The following INSR variants were observed in gnomAD, a reference collection of about 807,000 sequenced individuals.
INSR encodes insulin receptor, also known as IR.
In INSR, 67 loss-of-function variants were observed where a neutral mutation model predicts 142.6. That is an observed-to-expected ratio of 0.47 (90% confidence interval 0.39 to 0.58). The LOEUF is 0.58. INSR is among the 20% of genes least tolerant of loss of function. The pLI, the probability that INSR is intolerant of heterozygous loss-of-function variation, is 0.00. For missense variants in INSR, 1,248 were observed against 1,833.2 expected, an observed-to-expected ratio of 0.68 and a Z score of 5.83; for synonymous variants, 756 against 743.1, an observed-to-expected ratio of 1.02 and a Z score of -0.28.
Position 7,216,995 on chromosome 19 carries a change from TC to T in INSR, c.653-32359del, listed in dbSNP as rs759708648. Reference sequence around the variant, plus strand: ...CCCAGCTAATTTTTCTTCTTCTTCTTCTTCTTTTTTTTTTTTTTGTAGAGAT... The same window carrying T: ...CCCAGCTAATTTTTCTTCTTCTTCTTTTCTTTTTTTTTTTTTTGTAGAGAT... On this transcript the variant is annotated intron_variant, in intron 2 of 21. Transcript: ENST00000302850. The surrounding 1 kb of genome is among the most constrained non-coding windows in gnomAD (Gnocchi z 4.2). Among the ~76,000 whole-genome samples, 7,862 of 18,728 alleles carry T rather than the reference TC, an allele frequency of 0.42. 289 individuals are homozygous for T. The highest frequency in any genetic ancestry group is 0.47 in the Non-Finnish European group (5,235 of 11,208). 12.3% of individuals were successfully genotyped at this position (18,728 alleles called of 152,430 possible).
chr19:7,183,263 G>GTGTGTGT (rs1974321076), intron 3 of INSR, among the ~76,000 whole-genome samples: 1 of 146,480 alleles, frequency 6.8e-6, no homozygotes, highest in South Asian at 2.2e-4. Context: ...GTTGTTTTGT[G>GTGTGTGT]GTGTGTGTGT....
chr19:7,266,616 C>CTCAAGTG (rs1967740562), intron 2 of INSR, among the ~76,000 whole-genome samples: 1 of 152,018 alleles, frequency 6.6e-6, no homozygotes, highest in African/African-American at 2.4e-5. Flanking sequence ...AACTCCTGAC[C>CTCAAGTG]TCAAGTGGTC....
In INSR at chr19:7,269,160, C is replaced by G. The variant is rs541614867; in HGVS notation, c.101-1264G>C. 4.0e-5 allele frequency among the ~76,000 whole-genome samples: 6 copies of G among 148,746 alleles called. No individual in the cohort carries two copies. The South Asian group carries it at 1.3e-3, about 32-fold the overall frequency. ...TGTTCCAAAACACTAAACCTTCCAC[C>G]AATATCTTTGAGGAAAACAGATTGT... On this transcript the variant is annotated intron_variant, in intron 1 of 21. Coordinates refer to ENST00000302850, the MANE Select transcript of INSR (RefSeq NM_000208.4).
intron 13 of INSR, among the ~76,000 whole-genome samples, chr19:7,132,812 A>G (rs1972820236): frequency 6.6e-6 from 1 of 152,020 alleles, no homozygotes; most frequent in African/African-American, 2.4e-5. Context: ...GCTGGTCTCA[A>G]ACTCCTGACC....
At chr19:7,221,894 G>A (rs1020447589) in intron 2 of INSR, among the ~76,000 whole-genome samples, 39 of 151,680 alleles carry the variant, frequency 2.6e-4, no homozygotes, top group African/African-American at 4.1e-4. Flanking sequence ...GGCTGTTGTC[G>A]GGATCAAGTA....
chr19:7,250,466 GAAAGAAAGA>G (rs1290639441), intron 2 of INSR, among the ~76,000 whole-genome samples: 10 of 73,238 alleles, frequency 1.4e-4, no homozygotes, highest in African/African-American at 4.2e-4. Flanking sequence ...AGGAAGAAAA[GAAAGAAAGA>G]AAAGAAAGAG....
At chr19:7,157,766 T>G (rs993329890) in intron 9 of INSR, among the ~76,000 whole-genome samples, 4 of 151,786 alleles carry the variant, frequency 2.6e-5, no homozygotes, top group African/African-American at 9.7e-5. Context: ...TGGTGACTGC[T>G]GAGCAAAGGA....
rs187907725 is a variant in INSR at position 7,178,548 on chromosome 19, G to A, written c.975-3817C>T. Among the ~76,000 whole-genome samples, 156 of 152,100 alleles carry A rather than the reference G, an allele frequency of 1.0e-3. 2 individuals are homozygous for A. The East Asian group carries it at 0.028, about 27-fold the overall frequency. On this transcript the variant is annotated intron_variant, in intron 3 of 21. Transcript: ENST00000302850. Reference sequence around the variant, plus strand: ...AGCCTGGCCAACATGGTGAAACCCTGTCTCTACTAAAAATACAAAAATTAG... The same window carrying A: ...AGCCTGGCCAACATGGTGAAACCCTATCTCTACTAAAAATACAAAAATTAG...
chr19:7,132,068 T>C, intron 14 of INSR, 90 bp downstream of exon 14: 1 of 1,523,310 alleles, frequency 6.6e-7, no homozygotes, highest in East Asian at 2.3e-5. Context: ...GGCCAGCACC[T>C]GCGGCCTCTC....
intron 11 of INSR, among the ~76,000 whole-genome samples, chr19:7,146,952 G>A (rs1463807209): frequency 6.6e-6 from 1 of 152,022 alleles, no homozygotes; most frequent in Non-Finnish European, 1.5e-5. Context: ...AGGCTTAGCT[G>A]TTATTGCTTT....
intron 1 of INSR, among the ~76,000 whole-genome samples, chr19:7,273,103 C>T (rs904029406): frequency 6.6e-6 from 1 of 152,176 alleles, no homozygotes; most frequent in African/African-American, 2.4e-5. Flanking sequence ...GTCCTCAAAA[C>T]CACCTAACTG....
intron 3 of INSR, among the ~76,000 whole-genome samples, chr19:7,182,566 T>G (rs908740505): frequency 6.6e-6 from 1 of 152,114 alleles, no homozygotes; most frequent in East Asian, 1.9e-4. Context: ...ATTAATTTTT[T>G]TAAACCTACG....
chr19:7,250,437 AAAAGAAAGAAG>A lies in INSR; in HGVS notation c.652+16897_652+16907del, dbSNP rs377273410. 2.1e-3 allele frequency among the ~76,000 whole-genome samples: 303 copies of A among 142,092 alleles called. 1 individual carries two copies. The highest frequency in any genetic ancestry group is 7.9e-3 in the African/African-American group (285 of 36,292). 93.2% of individuals were successfully genotyped at this position (142,092 alleles called of 152,430 possible). A position where few individuals can be genotyped will look rare whatever the true frequency, so the allele number is the denominator to read the frequency against. On this transcript the variant is annotated intron_variant, in intron 2 of 21. Coordinates refer to ENST00000302850, the MANE Select transcript of INSR (RefSeq NM_000208.4). ...AAAAAGAAAGCAAGGAAGAAAGAAG[AAAAGAAAGAAG>A]AAAGAAAAGGAAGAAAAGAAAGAAA...
chr19:7,275,100 C>T (rs1355068246), intron 1 of INSR, among the ~76,000 whole-genome samples: 2 of 151,812 alleles, frequency 1.3e-5, no homozygotes, highest in East Asian at 2.0e-4. Flanking sequence ...CTCAGCCTCC[C>T]GAGTAGTTGG....
At chr19:7,148,724 C>T (rs1413964443) in intron 11 of INSR, among the ~76,000 whole-genome samples, 2 of 147,154 alleles carry the variant, frequency 1.4e-5, no homozygotes, top group Admixed American at 6.8e-5. Context: ...GTGATTGCCC[C>T]GCCTGGGCCT....
At position 7,267,640 on chromosome 19, in the gene INSR, C is replaced by A; in HGVS notation, c.357G>T (p.Ala119=). The A allele has an allele frequency of 1.2e-6, 2 of 1,613,900 alleles. No homozygotes were observed. The highest frequency in any genetic ancestry group is 1.7e-6 in the Non-Finnish European group (2 of 1,179,906). The change falls in exon 2 of 22, where the codon GCG becomes GCT. Residue 119 remains alanine (A), a synonymous_variant. Coordinates refer to ENST00000302850, the MANE Select transcript of INSR (RefSeq NM_000208.4). The surrounding 1 kb of genome is among the most constrained non-coding windows in gnomAD (Gnocchi z 6.3). ...GGTGAACCATCTCGAAGATGACCAGCGCGTAGTTAAAGAACAGTCGTGATC... is the reference window on the plus strand; with the variant it reads ...GGTGAACCATCTCGAAGATGACCAGAGCGTAGTTAAAGAACAGTCGTGATC... The part of the protein sequence containing the change: ...IRGSRLFFNY[A]LVIFEMVHLK...
chr19:7,253,498 C>T (rs570990116), intron 2 of INSR, among the ~76,000 whole-genome samples: 2 of 152,032 alleles, frequency 1.3e-5, no homozygotes, highest in South Asian at 4.2e-4. Context: ...TCAGCCTCCC[C>T]GAGTGCTGGG....
intron 9 of INSR, among the ~76,000 whole-genome samples, chr19:7,158,488 G>A (rs542134283): frequency 2.0e-5 from 3 of 152,062 alleles, no homozygotes; most frequent in Admixed American, 1.3e-4. Flanking sequence ...GTGACAGAGC[G>A]AGACTCCGTC....
intron 2 of INSR, among the ~76,000 whole-genome samples, chr19:7,263,314 A>G (rs946046169): frequency 6.6e-5 from 10 of 152,066 alleles, no homozygotes; most frequent in African/African-American, 2.4e-4. Flanking sequence ...AATTTATTCT[A>G]TGTGTATTTT....
Sources: gnomAD v4.1 joint callset for allele counts (sites outside exome capture counted in the v4.1 genomes callset) on GRCh38, gnomAD v4.1.1 for gene constraint, Gnocchi (gnomAD v3.1) non-coding constraint, MANE v1.5 for transcripts, NCBI Gene and HGNC (gene_info 2026-07-23, HGNC 2026-07-21) for gene names.